The following KIF25 variants were observed in gnomAD, a reference collection of about 807,000 sequenced individuals.
KIF25 encodes kinesin-like protein KIF25.
Under a neutral mutation model 32.9 loss-of-function variants are expected in KIF25, and 19 were observed. The observed-to-expected ratio is 0.58, with a 90% CI of 0.40 to 0.85. The LOEUF is 0.85. Ranked by LOEUF, KIF25 falls within the 40% of genes least tolerant of loss-of-function variation. KIF25 has a pLI of 0.00. For missense variants in KIF25, 485 were observed against 507.0 expected (o/e 0.96, Z 0.42); for synonymous variants, 225 against 213.7 (o/e 1.05, Z -0.46).
chr6:168,026,771 G>C (rs535398568), intron 5 of KIF25, among the ~76,000 whole-genome samples: 1 of 152,248 alleles, frequency 6.6e-6, no homozygotes, highest in East Asian at 1.9e-4. Flanking sequence ...AAAATGCAAG[G>C]AGAAAAAGAA....
intron 8 of KIF25, among the ~76,000 whole-genome samples, chr6:168,036,434 G>C (rs768466054): frequency 5.9e-5 from 9 of 152,246 alleles, no homozygotes; most frequent in Non-Finnish European, 8.8e-5. Context: ...AGAGTCAGGG[G>C]AGCTGCGTGC....
intron 6 of KIF25, 92 bp from the exon 7 acceptor site, chr6:168,030,681 A>C: frequency 2.3e-6 from 2 of 854,954 alleles, no homozygotes; most frequent in Non-Finnish European, 3.8e-6. Context: ...TGGGAAGTAC[A>C]CGGGGCGTTG....
At chr6:168,008,280 T>C (rs1278894000) in intron 4 of KIF25, among the ~76,000 whole-genome samples, 11 of 152,214 alleles carry the variant, frequency 7.2e-5, no homozygotes, top group Admixed American at 7.2e-4. Context: ...CTAGTTTCAT[T>C]CTTCTGTATA....
At chr6:168,016,195 G>A (rs916059007) in intron 4 of KIF25, among the ~76,000 whole-genome samples, 35 of 152,162 alleles carry the variant, frequency 2.3e-4, no homozygotes, top group Non-Finnish European at 4.3e-4. Context: ...GGCGGGTGTC[G>A]GAGTTTTGCT....
At chr6:168,001,721 G>A (rs58739857) in intron 2 of KIF25, among the ~76,000 whole-genome samples, 7 of 54,524 alleles carry the variant, frequency 1.3e-4, no homozygotes, top group African/African-American at 1.9e-4. Context: ...AGGCGTGGCC[G>A]CGGGCAGGTG....
In KIF25 at chr6:168,042,586, C is replaced by T. The variant is rs963642514; in HGVS notation, c.855C>T (p.Ala285=). 1.2e-6 allele frequency: 2 copies of T among 1,613,884 alleles called. No homozygotes were observed. The highest frequency in any genetic ancestry group is 1.7e-6 in the Non-Finnish European group (2 of 1,179,946). Residue 285 remains alanine, a synonymous_variant, in exon 12 of 13, where the codon GCC becomes GCT. Transcript: ENST00000643607. ...GTGTGTCTGGAGTGACCGGGTTGGC[C>T]CTGAGGGAGATGGCGTGCATCAGCC... ...CVGVSGVTGL[A]LREMACISRS...
rs565432054 is a variant in KIF25 at position 167,998,686 on chromosome 6, T to G, written c.-783T>G. 194 of 152,326 alleles carry G rather than the reference T, an allele frequency of 1.3e-3. No homozygotes were observed. Among genetic ancestry groups the G allele is most frequent in the African/African-American group, 4.5e-3 (187 of 41,584 alleles). 9.4% of individuals were successfully genotyped at this position (152,326 alleles called of 1,614,324 possible). A position where few individuals can be genotyped will look rare whatever the true frequency, so the allele number is the denominator to read the frequency against. ...GGATGCCATTCAAAGGGATTTTCCT[T>G]GGTACTTATTACCAAGGGATACCCC... On this transcript the variant is annotated 5_prime_UTR_variant, in exon 1 of 13. Coordinates refer to ENST00000643607, the MANE Select transcript of KIF25 (RefSeq NM_030615.4).
At chr6:168,006,866 G>A (rs1331338142) in intron 4 of KIF25, among the ~76,000 whole-genome samples, 2 of 152,070 alleles carry the variant, frequency 1.3e-5, no homozygotes, top group East Asian at 3.9e-4. Flanking sequence ...TTTAGTTAAC[G>A]GACTGATAGC....
At chr6:168,024,495 G>A (rs1219548186) in intron 5 of KIF25, among the ~76,000 whole-genome samples, 1 of 146,438 alleles carries the variant, frequency 6.8e-6, no homozygotes, top group Non-Finnish European at 1.5e-5. Flanking sequence ...AGGTAAGGAG[G>A]GAAATGGGGT....
rs182713224 is a variant in KIF25 at position 168,035,987 on chromosome 6, C to T, written c.317+1956C>T. 102 of 320,926 alleles carry T rather than the reference C, an allele frequency of 3.2e-4. No homozygotes were observed. In the Admixed American group the frequency reaches 3.8e-3, roughly 12 times the overall value. 19.9% of individuals were successfully genotyped at this position (320,926 alleles called of 1,614,324 possible). A position where few individuals can be genotyped will look rare whatever the true frequency, so the allele number is the denominator to read the frequency against. On this transcript the variant is annotated intron_variant, in intron 8 of 12. Coordinates refer to ENST00000643607, the MANE Select transcript of KIF25 (RefSeq NM_030615.4). ...GTTCGTGACTCAAGTTGCAAACGGC[C>T]CTCTGCCCAAAATGATACAAAACCA...
intron 4 of KIF25, among the ~76,000 whole-genome samples, chr6:168,005,748 T>C (rs890681233): frequency 4.6e-5 from 7 of 152,142 alleles, no homozygotes; most frequent in Non-Finnish European, 7.4e-5. Flanking sequence ...GTCTCTCTCT[T>C]CACATTTTTC....
At position 168,042,710 on chromosome 6, in the gene KIF25, T is replaced by A; in HGVS notation, c.979T>A (p.Cys327Ser). The A allele has an allele frequency of 3.1e-6, 5 of 1,609,926 alleles. No individual in the cohort carries two copies. The highest frequency in any genetic ancestry group is 4.2e-6 in the Non-Finnish European group (5 of 1,178,870). The stretch of plus-strand genomic sequence containing the variant: ...CAGGCTCACCCACCTCCTTCAGGAC[T>A]GCCTCGGTAACCGTTTTCCCCAAAA... ...NSRLTHLLQD[C>S]LGGDAKLLVI... The change falls in exon 12 of 13, where the codon TGC (cysteine) becomes AGC (serine). Residue 327 changes from cysteine to serine, a missense_variant. Around this residue, in one of 2 missense-constraint regions of KIF25, gnomAD observed 480 missense variants for 470.3 expected, o/e 1.02. Coordinates refer to ENST00000643607, the MANE Select transcript of KIF25 (RefSeq NM_030615.4).
At chr6:168,001,748 C>T (rs62426262) in intron 2 of KIF25, among the ~76,000 whole-genome samples, 1,040 of 76,358 alleles carry the variant, frequency 0.014, 61 homozygotes, top group African/African-American at 0.033. Context: ...CACCTTCAGG[C>T]GTAGCCTCGG....
At chr6:168,039,957 C>A in intron 9 of KIF25, 108 bp from the exon 10 acceptor site, 1 of 1,334,456 alleles carries the variant, frequency 7.5e-7, no homozygotes. Flanking sequence ...ACCCCACTGG[C>A]ACGCGTGGCT....
chr6:168,042,212 A>G, intron 11 of KIF25, 61 bp downstream of exon 11: 4 of 1,478,060 alleles, frequency 2.7e-6, no homozygotes, highest in Non-Finnish European at 3.6e-6. Context: ...GATCTGATGG[A>G]GCTGGATGTG....
intron 5 of KIF25, among the ~76,000 whole-genome samples, chr6:168,024,229 A>G (rs144426478): frequency 3.1e-3 from 477 of 152,344 alleles, no homozygotes; most frequent in Non-Finnish European, 4.0e-3. Flanking sequence ...CAAATTTATG[A>G]GCACTTTGGA....
chr6:168,033,669 C>T (rs1284224837), intron 7 of KIF25, among the ~76,000 whole-genome samples: 2 of 151,954 alleles, frequency 1.3e-5, no homozygotes, highest in African/African-American at 2.4e-5. Flanking sequence ...GTGCAAATAC[C>T]GTTTAATCCA....
At position 168,029,414 on chromosome 6, in the gene KIF25, G is replaced by T. The variant is rs1798908177; in HGVS notation, c.-94-78G>T. ...ATGCGAACACTGACTTTTGGATGGT[G>T]TTAAAGAATAACTAACATTCATGTT... On this transcript the variant is annotated intron_variant, in intron 5 of 12. Transcript: ENST00000643607. 4 of 1,029,818 alleles carry T rather than the reference G, an allele frequency of 3.9e-6. No individual in the cohort carries two copies. The East Asian group carries it at 1.1e-4, about 28-fold the overall frequency. The allele number at this position is 1,029,818 out of a possible 1,614,324, so 63.8% of individuals were successfully genotyped here.
chr6:168,010,660 T>A (rs1166011170), intron 4 of KIF25, among the ~76,000 whole-genome samples: 2 of 152,156 alleles, frequency 1.3e-5, no homozygotes, highest in Admixed American at 1.3e-4. Context: ...GCAGTTTAAA[T>A]CCAATGTTTC....
Sources: gnomAD v4.1 joint callset for allele counts (sites outside exome capture counted in the v4.1 genomes callset) on GRCh38, gnomAD v4.1.1 for gene constraint, gnomAD v4.1.1 regional missense constraint, MANE v1.5 for transcripts, NCBI Gene and HGNC (gene_info 2026-07-23, HGNC 2026-07-21) for gene names.